ENPP6: variants seen among roughly 807,000 people sequenced by gnomAD.
The protein encoded by ENPP6 is ectonucleotide pyrophosphatase/phosphodiesterase 6, also known as glycerophosphocholine cholinephosphodiesterase ENPP6.
Under a neutral mutation model 42.0 loss-of-function variants are expected in ENPP6, and 32 were observed. The ratio of observed to expected loss-of-function variants is 0.76; its 90% CI spans 0.58 to 1.02. The LOEUF is 1.02. ENPP6 is among the 50% of genes least tolerant of loss of function. The pLI is 0.00. For synonymous variants in ENPP6, 213 were observed against 216.0 expected (o/e 0.99, Z 0.12); for missense variants, 552 against 566.8 (o/e 0.97, Z 0.27).
intron 5 of ENPP6, among the ~76,000 whole-genome samples, chr4:184,115,909 T>C (rs1396882074): frequency 6.6e-6 from 1 of 152,088 alleles, no homozygotes. Context: ...AGTGCTGCAT[T>C]TGGGCCAATA....
At position 184,098,019 on chromosome 4, in the gene ENPP6, G is replaced by A. The variant is rs550689608; in HGVS notation, c.994-651C>T. 2.0e-5 allele frequency among the ~76,000 whole-genome samples: 3 copies of A among 152,356 alleles called. No homozygotes were observed. The South Asian group carries it at 6.2e-4, about 32-fold the overall frequency. On this transcript the variant is annotated intron_variant, in intron 6 of 7. Coordinates refer to ENST00000296741, the MANE Select transcript of ENPP6 (RefSeq NM_153343.4). ...CGTGCGGTTCCGGAGCCCCTCGGGA[G>A]TGGAAGCTCTGCGTGCCTCACCTCC...
intron 1 of ENPP6, among the ~76,000 whole-genome samples, chr4:184,214,568 C>G (rs1648785870): frequency 1.3e-5 from 2 of 152,224 alleles, no homozygotes; most frequent in Non-Finnish European, 2.9e-5. Flanking sequence ...ATAGCAAAGA[C>G]TTTGAACCAA....
chr4:184,187,514 G>C (rs1732650725), intron 1 of ENPP6, among the ~76,000 whole-genome samples: 1 of 152,190 alleles, frequency 6.6e-6, no homozygotes, highest in Admixed American at 6.5e-5. Flanking sequence ...ACCTGCCTCA[G>C]AGCTGTCGCT....
intron 1 of ENPP6, chr4:184,204,033 G>A (rs1229742994): frequency 2.6e-5 from 4 of 152,228 alleles, no homozygotes; most frequent in African/African-American, 4.8e-5. Flanking sequence ...GATTTCTTCT[G>A]AGGCCTCTCT....
intron 1 of ENPP6, among the ~76,000 whole-genome samples, chr4:184,169,097 G>A (rs558092102): frequency 6.6e-6 from 1 of 152,286 alleles, no homozygotes; most frequent in East Asian, 1.9e-4. Context: ...TGCAGTGGAC[G>A]TTTAACTTTG....
At chr4:184,130,235 G>C (rs898352802) in intron 2 of ENPP6, among the ~76,000 whole-genome samples, 1 of 152,110 alleles carries the variant, frequency 6.6e-6, no homozygotes, top group African/African-American at 2.4e-5. Flanking sequence ...AGGATAAGCC[G>C]ATGTGCTGAC....
chr4:184,162,576 A>AAAGAAGGAAGG (rs1560997451), intron 1 of ENPP6, among the ~76,000 whole-genome samples: 5,720 of 144,936 alleles, frequency 0.039, 396 homozygotes, highest in African/African-American at 0.14. Flanking sequence ...AGGAAGGAAG[A>AAAGAAGGAAGG]AAGGAAGGAA....
intron 2 of ENPP6, among the ~76,000 whole-genome samples, chr4:184,143,045 T>C (rs1265948174): frequency 6.6e-6 from 1 of 152,216 alleles, no homozygotes; most frequent in Non-Finnish European, 1.5e-5. Flanking sequence ...GACTCCATGC[T>C]TCCCACAAAG....
At chr4:184,200,668 C>A (rs763293629) in intron 1 of ENPP6, among the ~76,000 whole-genome samples, 1 of 152,218 alleles carries the variant, frequency 6.6e-6, no homozygotes, top group Non-Finnish European at 1.5e-5. Flanking sequence ...GGCTCCTCTG[C>A]CCCCTTTCCC....
chr4:184,131,828 T>C (rs55985740), intron 2 of ENPP6, among the ~76,000 whole-genome samples: 87,416 of 140,076 alleles, frequency 0.62, 26,502 homozygotes, highest in African/African-American at 0.64. Context: ...CACACACATA[T>C]ATATATATAT....
intron 6 of ENPP6, among the ~76,000 whole-genome samples, chr4:184,100,172 T>C (rs1735974828): frequency 6.6e-6 from 1 of 152,348 alleles, no homozygotes; most frequent in Middle Eastern, 3.4e-3. Context: ...GAAAAAATCA[T>C]AGCCACCTGG....
At chr4:184,173,822 A>G (rs900567130) in intron 1 of ENPP6, among the ~76,000 whole-genome samples, 4 of 152,194 alleles carry the variant, frequency 2.6e-5, no homozygotes, top group African/African-American at 9.6e-5. Flanking sequence ...GGGCTTTACA[A>G]TGCAGCCCTG....
In ENPP6 at chr4:184,161,673, T is replaced by C. The variant is rs533479935; in HGVS notation, c.242-7940A>G. On this transcript the variant is annotated intron_variant, in intron 1 of 7. Transcript: ENST00000296741. ...GAGTGGATAAAGAAAATGTGGTATATATATATACCATGGAATACTACTCAG... is the reference window on the plus strand; with the variant it reads ...GAGTGGATAAAGAAAATGTGGTATACATATATACCATGGAATACTACTCAG... 5.9e-5 allele frequency among the ~76,000 whole-genome samples: 9 copies of C among 152,270 alleles called. No individual in the cohort carries two copies. In the East Asian group the frequency reaches 1.5e-3, roughly 26 times the overall value.
intron 1 of ENPP6, among the ~76,000 whole-genome samples, chr4:184,204,445 A>T (rs1732958348): frequency 6.6e-6 from 1 of 152,162 alleles, no homozygotes. Context: ...CGACAGCCAG[A>T]CCACTCGCAC....
At chr4:184,109,666 T>C (rs1397526032) in intron 6 of ENPP6, among the ~76,000 whole-genome samples, 1 of 152,232 alleles carries the variant, frequency 6.6e-6, no homozygotes, top group Non-Finnish European at 1.5e-5. Context: ...ACTTCACTTA[T>C]CTTTGAAATT....
intron 1 of ENPP6, among the ~76,000 whole-genome samples, chr4:184,188,206 TA>T (rs1732663898): frequency 6.6e-6 from 1 of 152,196 alleles, no homozygotes; most frequent in Admixed American, 6.5e-5. Flanking sequence ...TCCTTATGTT[TA>T]TGTTTCAATT....
At chr4:184,098,771 C>G (rs1735951813) in intron 6 of ENPP6, among the ~76,000 whole-genome samples, 1 of 152,206 alleles carries the variant, frequency 6.6e-6, no homozygotes, top group Non-Finnish European at 1.5e-5. Flanking sequence ...TGAGCACAAG[C>G]CTAGCCATGC....
intron 1 of ENPP6, among the ~76,000 whole-genome samples, chr4:184,174,153 T>C (rs1199101361): frequency 8.9e-5 from 11 of 122,908 alleles, no homozygotes; most frequent in Admixed American, 4.8e-4. Flanking sequence ...TTTTTTTTTT[T>C]CCGAGACGGA....
chr4:184,146,538 T>A (rs571120312), intron 2 of ENPP6, among the ~76,000 whole-genome samples: 1 of 152,306 alleles, frequency 6.6e-6, no homozygotes, highest in South Asian at 2.1e-4. Flanking sequence ...GAAATTATAA[T>A]GTTAAAGAAA....
Sources: allele counts gnomAD v4.1 joint callset (sites outside exome capture counted in the v4.1 genomes callset), GRCh38; gene constraint gnomAD v4.1.1; transcripts MANE v1.5; gene names NCBI Gene and HGNC (gene_info 2026-07-23, HGNC 2026-07-21).